The following BOP1 variants were observed in gnomAD, a reference collection of about 807,000 sequenced individuals.
The protein encoded by BOP1 is BOP1 ribosomal biogenesis factor, also known as ribosome biogenesis protein BOP1.
In BOP1, 54 loss-of-function variants were observed where a neutral mutation model predicts 82.9. The observed-to-expected ratio is 0.65, with a 90% CI of 0.52 to 0.82. The LOEUF is 0.82. Among genes scored for constraint, BOP1 ranks in the 40% least tolerant of loss-of-function variants. The probability of loss-of-function intolerance (pLI) is 0.00; values close to 1 mark genes in which losing one functional copy is unlikely to be tolerated. For missense variants in BOP1, 1,170 were observed against 1,072.0 expected, an observed-to-expected ratio of 1.09 and a Z score of -1.28; for synonymous variants, 566 against 451.1, an observed-to-expected ratio of 1.25 and a Z score of -3.23.
chr8:144,264,359 C>T lies in BOP1; in HGVS notation c.844G>A (p.Asp282Asn). The T allele has an allele frequency of 6.2e-7, 1 of 1,606,096 alleles. No individual in the cohort carries two copies. The highest frequency in any genetic ancestry group is 8.5e-7 in the Non-Finnish European group (1 of 1,179,706). Residue 282 changes from aspartate (D) to asparagine (N), a missense_variant, in exon 7 of 16, where the codon GAC (aspartate) becomes AAC (asparagine). By Grantham distance (23) the Asp-to-Asn change is conservative. Coordinates refer to ENST00000569669, the MANE Select transcript of BOP1 (RefSeq NM_015201.5). ...TTGGGGTCCTCCTGGGCCCACAGGT[C>T]ATAGAAGCTGGGGGTGGGGTCTCGG... ...RPRDPTPSFY[D>N]LWAQEDPNAV...
At chr8:144,288,999 G>A (rs917638405) in intron 2 of BOP1, 96 bp downstream of exon 2, 7 of 1,369,656 alleles carry the variant, frequency 5.1e-6, no homozygotes, top group Non-Finnish European at 6.2e-6. Context: ...GGGGTTCTGA[G>A]GGACGGTGGA....
At chr8:144,262,364 T>G in intron 15 of BOP1, 32 bp downstream of exon 15, 1 of 1,612,504 alleles carries the variant, frequency 6.2e-7, no homozygotes, top group South Asian at 1.1e-5. Context: ...ACCACTGCCC[T>G]GGGGAGGGGG....
chr8:144,281,017 G>A (rs1845663889), intron 2 of BOP1, among the ~76,000 whole-genome samples: 1 of 145,508 alleles, frequency 6.9e-6, no homozygotes. Flanking sequence ...CCAGGTCTTC[G>A]GCCTTCTCTC....
In BOP1 at chr8:144,291,426, G is replaced by C. The variant is rs1815073783; in HGVS notation, c.-56C>G. 1 of 1,058,276 alleles carries C rather than the reference G, an allele frequency of 9.4e-7. No homozygotes were observed. The highest frequency in any genetic ancestry group is 1.2e-6 in the Non-Finnish European group (1 of 866,972). 65.6% of individuals were successfully genotyped at this position (1,058,276 alleles called of 1,614,324 possible). The stretch of plus-strand genomic sequence containing the variant: ...AGCCGCTTCCGACAGCGACCGGGCC[G>C]CGTGCGCAGGAGGACGCGCCCCGCC... On this transcript the variant is annotated 5_prime_UTR_variant, in exon 1 of 16. Transcript: ENST00000569669. This position sits in a 1 kb window ranked among gnomAD's most constrained non-coding sequence, Gnocchi z 4.1.
At position 144,263,900 on chromosome 8, in the gene BOP1, G is replaced by A; in HGVS notation, c.1152C>T (p.Asp384=). ...PRQRKMRVNV[D]PEDLIPKLPR... ...GCAGCTTGGGGATGAGGTCCTCAGG[G>A]TCTACATTCACCTGGGGCAGGAGAG... is the stretch of plus-strand genomic sequence containing the variant. Residue 384 remains aspartate (D), a synonymous_variant, in exon 9 of 16, where the codon GAC becomes GAT. Coordinates refer to ENST00000569669, the MANE Select transcript of BOP1 (RefSeq NM_015201.5). 1.2e-6 allele frequency: 2 copies of A among 1,611,770 alleles called. No homozygotes were observed. The highest frequency in any genetic ancestry group is 2.2e-5 in the East Asian group (1 of 44,868).
rs1307525655 is a variant in BOP1, at chr8:144,264,564, C to T, written c.716G>A (p.Arg239His). 51 of 1,609,576 alleles carry T rather than the reference C, an allele frequency of 3.2e-5. No homozygotes were observed. The East Asian group carries it at 3.3e-4, about 11-fold the overall frequency. ...GATGAAGCTGCGCTTGTCGGCCGGG[C>T]GGTTGGTCACCGGGTGGATCATGAC... ...GDVMIHPVTN[R>H]PADKRSFIPS... The change falls in exon 6 of 16, where the codon CGC becomes CAC. Residue 239 changes from arginine to histidine, a missense_variant. Physicochemically the swap from Arg to His is conservative, Grantham distance 29. Coordinates refer to ENST00000569669, the MANE Select transcript of BOP1 (RefSeq NM_015201.5).
intron 2 of BOP1, among the ~76,000 whole-genome samples, chr8:144,278,356 G>A (rs1457451313): frequency 4.6e-5 from 7 of 152,216 alleles, no homozygotes; most frequent in African/African-American, 1.7e-4. Context: ...GGACCAAAGG[G>A]AGAAACCCAC....
Position 144,263,757 on chromosome 8 carries a change from T to A in BOP1, c.1226A>T (p.Tyr409Phe). Residue 409 changes from tyrosine to phenylalanine, a missense_variant, in exon 10 of 16, where the codon TAC becomes TTC. Tyr to Phe is a conservative substitution (Grantham distance 22). Coordinates refer to ENST00000569669, the MANE Select transcript of BOP1 (RefSeq NM_015201.5). ...QPFPTCQALV[Y>F]RGHSDLVRCL... ...CCGGACAAGGTCACTGTGGCCCCTG[T>A]AGACCTGAGGAGGCGGCGGCAGTGA... is the stretch of plus-strand genomic sequence containing the variant. 6.3e-7 allele frequency: 1 copy of A among 1,583,368 alleles called. No individual in the cohort carries two copies.
Position 144,291,191 on chromosome 8 carries a change from G to C in BOP1, c.99+81C>G, listed in dbSNP as rs1022378394. ...CGCGGGCGCCCAGGTGACAGAAGCC[G>C]GGCCCACCCGCCCCAGCGCGGCCAC... On this transcript the variant is annotated intron_variant, in intron 1 of 15. Transcript: ENST00000569669. The surrounding 1 kb of genome is among the most constrained non-coding windows in gnomAD (Gnocchi z 4.1). The C allele has an allele frequency of 3.2e-6, 4 of 1,243,952 alleles. No homozygotes were observed. Among genetic ancestry groups the C allele is most frequent in the Non-Finnish European group, 4.1e-6 (4 of 976,398 alleles). The allele number at this position is 1,243,952 out of a possible 1,614,324, so 77.1% of individuals were successfully genotyped here. A position where few individuals can be genotyped will look rare whatever the true frequency, so the allele number is the denominator to read the frequency against.
In BOP1 at chr8:144,262,330, G is replaced by C; in HGVS notation, c.2088-13C>G. 2.5e-6 allele frequency: 4 copies of C among 1,612,818 alleles called. No homozygotes were observed. Among genetic ancestry groups the C allele is most frequent in the Middle Eastern group, 1.7e-4 (1 of 6,056 alleles). ...CTGCAGAAGGTCACTGTGGGGACGA[G>C]GAGGGCTCAGGGCACGGCCAGACAC... On this transcript the variant is annotated splice_polypyrimidine_tract_variant and intron_variant, in intron 15 of 15. Transcript: ENST00000569669.
intron 2 of BOP1, among the ~76,000 whole-genome samples, chr8:144,287,180 T>C (rs898601345): frequency 3.3e-5 from 5 of 151,952 alleles, no homozygotes; most frequent in African/African-American, 9.7e-5. Flanking sequence ...CAGCTAATTT[T>C]TATATTTTTA....
chr8:144,279,546 T>C (rs587681234), intron 2 of BOP1, among the ~76,000 whole-genome samples: 3 of 152,332 alleles, frequency 2.0e-5, no homozygotes, highest in East Asian at 3.9e-4. Flanking sequence ...GATGAGACCC[T>C]GGCAGTGGAA....
rs1312415060 is a variant in BOP1 at position 144,264,805 on chromosome 8, C to A, written c.572G>T (p.Gly191Val). ...YWRTVQDPMT[G>V]RDLRLTDEQV... ...CTCATCCGTCAGTCTCAGGTCCCGC[C>A]CTGTCATCGGGTCCTGCACGGTGCG... Residue 191 changes from glycine to valine, a missense_variant, in exon 5 of 16, where the codon GGG becomes GTG. Transcript: ENST00000569669. 7.5e-6 allele frequency: 12 copies of A among 1,609,586 alleles called. No homozygotes were observed. The highest frequency in any genetic ancestry group is 1.0e-5 in the Non-Finnish European group (12 of 1,179,202).
At chr8:144,275,086 C>A (rs1845548233) in intron 3 of BOP1, among the ~76,000 whole-genome samples, 1 of 151,950 alleles carries the variant, frequency 6.6e-6, no homozygotes, top group African/African-American at 2.4e-5. Context: ...GCCAAGAGAG[C>A]CGAAGGATGG....
chr8:144,276,655 C>A (rs1271285915), intron 2 of BOP1, among the ~76,000 whole-genome samples: 1 of 152,190 alleles, frequency 6.6e-6, no homozygotes, highest in Non-Finnish European at 1.5e-5. Flanking sequence ...ACCACCCGTA[C>A]CCCCATTCAT....
intron 2 of BOP1, among the ~76,000 whole-genome samples, chr8:144,277,723 G>A (rs1554838428): frequency 4.2e-5 from 5 of 118,628 alleles, no homozygotes; most frequent in Admixed American, 3.0e-4. Context: ...CAGCATCCCC[G>A]TGGGACAGCT....
At chr8:144,289,668 G>A (rs1554839906) in intron 1 of BOP1, among the ~76,000 whole-genome samples, 1 of 152,158 alleles carries the variant, frequency 6.6e-6, no homozygotes, top group Non-Finnish European at 1.5e-5. Flanking sequence ...GGGTCAGGCT[G>A]GGCTGGACTC....
intron 3 of BOP1, among the ~76,000 whole-genome samples, chr8:144,273,413 G>GCCCC (rs1845524182): frequency 6.6e-6 from 1 of 152,190 alleles, no homozygotes; most frequent in South Asian, 2.1e-4. Context: ...CCTCGTGGGG[G>GCCCC]ACGGCCCCAG....
Position 144,291,287 on chromosome 8 carries a change from A to C in BOP1, c.84T>G (p.Pro28=). 6.8e-7 allele frequency: 1 copy of C among 1,460,256 alleles called. No homozygotes were observed. The highest frequency in any genetic ancestry group is 1.3e-5 in the South Asian group (1 of 77,436). 90.5% of individuals were successfully genotyped at this position (1,460,256 alleles called of 1,614,324 possible). A position where few individuals can be genotyped will look rare whatever the true frequency, so the allele number is the denominator to read the frequency against. ...EKRRSEPELE[P]EPEPEPPLLC... ...CCACAGTCACCTCCGGCTCGGGCTC[A>C]GGCTCCAGTTCGGGCTCAGACCGCC... The change falls in exon 1 of 16, where the codon CCT becomes CCG. Residue 28 remains proline, a synonymous_variant. Coordinates refer to ENST00000569669, the MANE Select transcript of BOP1 (RefSeq NM_015201.5). The surrounding 1 kb of genome is among the most constrained non-coding windows in gnomAD (Gnocchi z 4.1).
Sources: allele counts gnomAD v4.1 joint callset (sites outside exome capture counted in the v4.1 genomes callset), GRCh38; gene constraint gnomAD v4.1.1; non-coding constraint Gnocchi (gnomAD v3.1); transcripts MANE v1.5; gene names NCBI Gene and HGNC (gene_info 2026-07-23, HGNC 2026-07-21).